The following PPP3R1 variants were observed in gnomAD, a reference collection of about 807,000 sequenced individuals.
PPP3R1 encodes the protein calcineurin subunit B type 1.
PPP3R1 carries 5 observed loss-of-function variants against 22.6 expected under a neutral mutation model. That is an observed-to-expected ratio of 0.22 (90% CI 0.12 to 0.46). PPP3R1 has a LOEUF of 0.46. Among genes scored for constraint, PPP3R1 ranks in the 20% least tolerant of loss-of-function variants. The pLI is 0.99. For synonymous variants in PPP3R1, 56 were observed against 65.2 expected, an observed-to-expected ratio of 0.86 and a Z score of 0.68; for missense variants, 61 against 203.2, an observed-to-expected ratio of 0.30 and a Z score of 4.25.
At chr2:68,211,406 CAAAA>C (rs3979551) in intron 2 of PPP3R1, among the ~76,000 whole-genome samples, 12 of 77,412 alleles carry the variant, frequency 1.6e-4, no homozygotes, top group African/African-American at 2.8e-4. Context: ...GACTCTGTCT[CAAAA>C]AAAAAAAAAA....
chr2:68,225,424 GA>G (rs1669763747), intron 1 of PPP3R1, among the ~76,000 whole-genome samples: 1 of 152,164 alleles, frequency 6.6e-6, no homozygotes, highest in Admixed American at 6.5e-5. Flanking sequence ...CAGGAGCAAG[GA>G]AACAGAGTGC....
intron 1 of PPP3R1, among the ~76,000 whole-genome samples, chr2:68,220,785 A>C (rs961337727): frequency 2.0e-5 from 3 of 152,244 alleles, no homozygotes; most frequent in Non-Finnish European, 4.4e-5. Context: ...GATTCCATTT[A>C]TATGAAATAT....
chr2:68,212,244 C>A (rs183818970), intron 2 of PPP3R1, among the ~76,000 whole-genome samples: 6 of 152,266 alleles, frequency 3.9e-5, no homozygotes, highest in African/African-American at 1.4e-4. Flanking sequence ...GCATGCCTGG[C>A]TAATTTTCAT....
rs1558630993 is a variant in PPP3R1 at position 68,198,294 on chromosome 2, CAT to C, written c.44-9606_44-9605del. On this transcript the variant is annotated intron_variant, in intron 2 of 5. Coordinates refer to ENST00000234310, the MANE Select transcript of PPP3R1 (RefSeq NM_000945.4). Reference sequence around the variant, plus strand: ...ATGTGTATGCATGTATGTGTATACACATGTATACATGTATACATATATGTATA... The same window carrying C: ...ATGTGTATGCATGTATGTGTATACACGTATACATGTATACATATATGTATA... Among the ~76,000 whole-genome samples, 9 of 134,168 alleles carry C rather than the reference CAT, an allele frequency of 6.7e-5. No homozygotes were observed. In the South Asian group the frequency reaches 1.1e-3, roughly 16 times the overall value. 88.0% of individuals were successfully genotyped at this position (134,168 alleles called of 152,430 possible). A position where few individuals can be genotyped will look rare whatever the true frequency, so the allele number is the denominator to read the frequency against.
At chr2:68,201,930 T>C (rs1674982994) in intron 2 of PPP3R1, among the ~76,000 whole-genome samples, 1 of 152,206 alleles carries the variant, frequency 6.6e-6, no homozygotes, top group Admixed American at 6.5e-5. Flanking sequence ...ATTTTAAAAT[T>C]ACAAAAGTTG....
At chr2:68,204,223 T>C (rs899446437) in intron 2 of PPP3R1, among the ~76,000 whole-genome samples, 1 of 152,082 alleles carries the variant, frequency 6.6e-6, no homozygotes, top group African/African-American at 2.4e-5. Context: ...ATACATTTCC[T>C]AGTCCAGAGA....
At chr2:68,195,352 T>C (rs181842523) in intron 2 of PPP3R1, among the ~76,000 whole-genome samples, 8 of 152,310 alleles carry the variant, frequency 5.3e-5, no homozygotes, top group Admixed American at 5.2e-4. Context: ...ACCACAGAAA[T>C]GATATTGTGT....
chr2:68,214,005 C>T (rs1019799008), intron 2 of PPP3R1, among the ~76,000 whole-genome samples: 1 of 152,074 alleles, frequency 6.6e-6, no homozygotes, highest in Non-Finnish European at 1.5e-5. Flanking sequence ...AATAATGTTG[C>T]ACACCTACAA....
intron 1 of PPP3R1, among the ~76,000 whole-genome samples, chr2:68,223,736 T>A (rs1669730256): frequency 6.6e-6 from 1 of 150,794 alleles, no homozygotes; most frequent in South Asian, 2.1e-4. Context: ...TCAAAAAGTG[T>A]CATATGTAAT....
intron 1 of PPP3R1, among the ~76,000 whole-genome samples, chr2:68,225,116 C>G (rs1209383072): frequency 1.3e-5 from 2 of 152,170 alleles, no homozygotes; most frequent in African/African-American, 4.8e-5. Context: ...CTTTGAAATT[C>G]TGAACCCCTT....
intron 1 of PPP3R1, among the ~76,000 whole-genome samples, chr2:68,234,071 C>T (rs1457808103): frequency 1.3e-5 from 2 of 152,128 alleles, no homozygotes; most frequent in South Asian, 2.1e-4. Context: ...AGGCCGGGCA[C>T]GGTGGCTCAC....
intron 1 of PPP3R1, among the ~76,000 whole-genome samples, chr2:68,220,266 G>A (rs1669662301): frequency 1.3e-5 from 2 of 152,188 alleles, no homozygotes; most frequent in East Asian, 3.8e-4. Context: ...TGAGACTTGT[G>A]AGGAAGAGTA....
chr2:68,252,303 T>A lies in PPP3R1; in HGVS notation c.-176A>T. 9.8e-7 allele frequency: 1 copy of A among 1,023,390 alleles called. No homozygotes were observed. Among genetic ancestry groups the A allele is most frequent in the Non-Finnish European group, 1.2e-6 (1 of 857,220 alleles). 63.4% of individuals were successfully genotyped at this position (1,023,390 alleles called of 1,614,324 possible). A position where few individuals can be genotyped will look rare whatever the true frequency, so the allele number is the denominator to read the frequency against. ...GCGGGGCCCGCGCCGGCCGGGCGATTGGGCACGCGAGGGAGCGGGCAGGGT... is the reference window on the plus strand; with the variant it reads ...GCGGGGCCCGCGCCGGCCGGGCGATAGGGCACGCGAGGGAGCGGGCAGGGT... On this transcript the variant is annotated 5_prime_UTR_variant, in exon 1 of 6. Coordinates refer to ENST00000234310, the MANE Select transcript of PPP3R1 (RefSeq NM_000945.4).
At chr2:68,200,909 T>C (rs1432722871) in intron 2 of PPP3R1, among the ~76,000 whole-genome samples, 3 of 152,214 alleles carry the variant, frequency 2.0e-5, no homozygotes, top group Admixed American at 2.0e-4. Context: ...TTATCCACAT[T>C]ATGGTTCAAA....
At chr2:68,192,484 T>C (rs548724313) in intron 2 of PPP3R1, among the ~76,000 whole-genome samples, 38 of 152,288 alleles carry the variant, frequency 2.5e-4, no homozygotes, top group Middle Eastern at 6.8e-3. Flanking sequence ...AGTCAATTTA[T>C]TGAAGTGGGG....
intron 2 of PPP3R1, among the ~76,000 whole-genome samples, chr2:68,191,960 C>T (rs1674676712): frequency 6.6e-6 from 1 of 152,134 alleles, no homozygotes; most frequent in African/African-American, 2.4e-5. Flanking sequence ...ATGTCTACTC[C>T]ACCTCAGGGC....
chr2:68,204,353 G>GATATATATATATTCTGATAT (rs1491437318), intron 2 of PPP3R1, among the ~76,000 whole-genome samples: 3,822 of 148,304 alleles, frequency 0.026, 176 homozygotes, highest in African/African-American at 0.087. Flanking sequence ...TATATATTCT[G>GATATATATATATTCTGATAT]ATATATATAT....
chr2:68,221,781 T>C (rs549848233), intron 1 of PPP3R1, among the ~76,000 whole-genome samples: 5 of 151,836 alleles, frequency 3.3e-5, no homozygotes, highest in Non-Finnish European at 5.9e-5. Context: ...ACATAATTAC[T>C]ACAGCATATT....
At chr2:68,238,242 G>A (rs766899843) in intron 1 of PPP3R1, among the ~76,000 whole-genome samples, 1 of 152,024 alleles carries the variant, frequency 6.6e-6, no homozygotes, top group Non-Finnish European at 1.5e-5. Context: ...CACTGCCCTC[G>A]AGGAGCCAAC....
Sources: allele counts gnomAD v4.1 joint callset (sites outside exome capture counted in the v4.1 genomes callset), GRCh38; gene constraint gnomAD v4.1.1; transcripts MANE v1.5; gene names NCBI Gene and HGNC (gene_info 2026-07-23, HGNC 2026-07-21).